The following SCN8A variants were observed in gnomAD, a reference collection of about 807,000 sequenced individuals.
SCN8A encodes the protein sodium voltage-gated channel alpha subunit 8.
SCN8A carries 30 observed loss-of-function variants against 184.1 expected under a neutral mutation model. That is an observed-to-expected ratio of 0.16 (90% CI 0.12 to 0.22). SCN8A has a LOEUF of 0.22. Among genes scored for constraint, SCN8A ranks in the 10% least tolerant of loss-of-function variants. The probability of loss-of-function intolerance (pLI) is 1.00; values close to 1 mark genes in which losing one functional copy is unlikely to be tolerated. For missense variants in SCN8A, 1,057 were observed against 2,498.9 expected (o/e 0.42, Z 12.30); for synonymous variants, 852 against 907.0 (o/e 0.94, Z 1.09).
chr12:51,781,790 A>G (rs528467875), intron 21 of SCN8A, among the ~76,000 whole-genome samples: 21 of 152,354 alleles, frequency 1.4e-4, no homozygotes, highest in Non-Finnish European at 2.5e-4. Flanking sequence ...ACTCGCTTCA[A>G]TTCAGATGTT....
chr12:51,780,163 G>T (rs1439896251), intron 20 of SCN8A: 1 of 452,576 alleles, frequency 2.2e-6, no homozygotes, highest in Non-Finnish European at 4.4e-6. Context: ...GGGGCAGCTT[G>T]TGTGGAGTAT....
At chr12:51,770,498 C>T (rs755488991) in intron 18 of SCN8A, 31 bp from the exon 19 acceptor site, 32 of 1,539,500 alleles carry the variant, frequency 2.1e-5, no homozygotes, top group East Asian at 4.8e-5. Flanking sequence ...CACGTTTCCA[C>T]GGTCTGACCC....
At chr12:51,754,223 C>G (rs1274469842) in intron 14 of SCN8A, among the ~76,000 whole-genome samples, 1 of 152,004 alleles carries the variant, frequency 6.6e-6, no homozygotes, top group Non-Finnish European at 1.5e-5. Flanking sequence ...TCTTTTCCTG[C>G]CTTTTTTGCA....
At chr12:51,649,261 A>G (rs1438575668) in intron 1 of SCN8A, among the ~76,000 whole-genome samples, 2 of 152,162 alleles carry the variant, frequency 1.3e-5, no homozygotes, top group African/African-American at 2.4e-5. Context: ...ACAGGCTGGC[A>G]TCGTGTGTCT....
chr12:51,749,586 C>A (rs906568536), intron 13 of SCN8A, among the ~76,000 whole-genome samples: 1 of 152,084 alleles, frequency 6.6e-6, no homozygotes, highest in Admixed American at 6.5e-5. Context: ...GAGGAAGAAG[C>A]CACAGCAGAT....
intron 23 of SCN8A, among the ~76,000 whole-genome samples, chr12:51,788,976 G>T (rs766054038): frequency 6.6e-6 from 1 of 152,044 alleles, no homozygotes; most frequent in Non-Finnish European, 1.5e-5. Flanking sequence ...GATTTTTTAC[G>T]TGGCCCCAGT....
rs1019055818 is a variant in SCN8A, at chr12:51,808,974, C to T, written c.*1545C>T. The T allele has an allele frequency of 6.6e-6, 1 of 152,110 alleles. No individual in the cohort carries two copies. The allele number at this position is 152,110 out of a possible 1,614,324, so 9.4% of individuals were successfully genotyped here. A position where few individuals can be genotyped will look rare whatever the true frequency, so the allele number is the denominator to read the frequency against. ...GTGAGACCTGAGGTAGAGATGGAGCCGCCTCTGAACCAAGCCCACTTGGTT... is the reference window on the plus strand; with the variant it reads ...GTGAGACCTGAGGTAGAGATGGAGCTGCCTCTGAACCAAGCCCACTTGGTT... On this transcript the variant is annotated 3_prime_UTR_variant, in exon 27 of 27. Transcript: ENST00000627620.
At chr12:51,677,288 A>C (rs574201752) in intron 2 of SCN8A, among the ~76,000 whole-genome samples, 1 of 151,816 alleles carries the variant, frequency 6.6e-6, no homozygotes, top group African/African-American at 2.4e-5. Context: ...GAGTTTTGCC[A>C]TGTTGCCCAG....
chr12:51,607,732 T>C (rs188216939), intron 1 of SCN8A, among the ~76,000 whole-genome samples: 134 of 152,362 alleles, frequency 8.8e-4, no homozygotes, highest in Middle Eastern at 3.4e-3. Flanking sequence ...ATCACATTTA[T>C]TGACTTCCAT....
At chr12:51,615,901 A>T (rs530071839) in intron 1 of SCN8A, among the ~76,000 whole-genome samples, 22 of 149,166 alleles carry the variant, frequency 1.5e-4, no homozygotes, top group Admixed American at 7.3e-4. Flanking sequence ...TAAAGAAAAA[A>T]TTTTTTTTTT....
chr12:51,783,183 C>G (rs1042513909), intron 21 of SCN8A, among the ~76,000 whole-genome samples: 3 of 152,140 alleles, frequency 2.0e-5, no homozygotes, highest in African/African-American at 7.2e-5. Context: ...GGTTTCCTAG[C>G]CCTTCTGTGG....
intron 11 of SCN8A, chr12:51,712,918 A>T: frequency 6.3e-7 from 1 of 1,588,288 alleles, no homozygotes; most frequent in Non-Finnish European, 8.6e-7. Context: ...ACCACCTCCA[A>T]AGCTTCCTCC....
intron 11 of SCN8A, among the ~76,000 whole-genome samples, chr12:51,712,138 A>G (rs1941888281): frequency 6.6e-6 from 1 of 152,226 alleles, no homozygotes; most frequent in South Asian, 2.1e-4. Flanking sequence ...TTACAGGGCA[A>G]TATACCTGAT....
chr12:51,662,979 G>A lies in SCN8A; in HGVS notation c.162G>A (p.Lys54=), dbSNP rs779576167. Residue 54 remains lysine (K), a synonymous_variant, in exon 2 of 27, where the codon AAG becomes AAA. Coordinates refer to ENST00000627620, the MANE Select transcript of SCN8A (RefSeq NM_001330260.2). ...AGGACGATGAGGACAGCAAGCCCAA[G>A]CCAAACAGCGACCTGGAAGCAGGGA... ...HREDDEDSKP[K]PNSDLEAGKS... 1 of 1,614,034 alleles carries A rather than the reference G, an allele frequency of 6.2e-7. No homozygotes were observed. Among genetic ancestry groups the A allele is most frequent in the Admixed American group, 1.7e-5 (1 of 60,026 alleles).
chr12:51,720,175 A>G (rs1348082156), intron 11 of SCN8A, among the ~76,000 whole-genome samples: 3 of 150,766 alleles, frequency 2.0e-5, no homozygotes, highest in Non-Finnish European at 4.4e-5. Context: ...GCCGGATATT[A>G]TATAACTTAC....
At chr12:51,788,630 C>A (rs1938156950) in intron 22 of SCN8A, 65 bp from the exon 23 acceptor site, 1 of 1,317,490 alleles carries the variant, frequency 7.6e-7, no homozygotes, top group Non-Finnish European at 1.0e-6. Flanking sequence ...GCCTTTGGGA[C>A]CCCTGCCTAG....
At chr12:51,768,613 C>T (rs1008705474) in intron 16 of SCN8A, among the ~76,000 whole-genome samples, 1 of 152,032 alleles carries the variant, frequency 6.6e-6, no homozygotes, top group South Asian at 2.1e-4. Flanking sequence ...AATATATTTT[C>T]GGGTACATAT....
chr12:51,761,588 C>T (rs1323978040), intron 14 of SCN8A, among the ~76,000 whole-genome samples: 2 of 151,886 alleles, frequency 1.3e-5, no homozygotes, highest in African/African-American at 2.4e-5. Context: ...CTCCCGGGCT[C>T]AAGTGATTCT....
chr12:51,684,307 A>G lies in SCN8A; in HGVS notation c.395+15A>G. 1 of 1,223,632 alleles carries G rather than the reference A, an allele frequency of 8.2e-7. No individual in the cohort carries two copies. The highest frequency in any genetic ancestry group is 1.2e-6 in the Non-Finnish European group (1 of 823,692). The allele number at this position is 1,223,632 out of a possible 1,614,324, so 75.8% of individuals were successfully genotyped here. On this transcript the variant is annotated intron_variant, in intron 3 of 26. Transcript: ENST00000627620. ...TTGATACATTCATATCCTTTTCGGC[A>G]AATGTGGAGTGAGTGCGGCAATTGC...
Sources: allele counts gnomAD v4.1 joint callset (sites outside exome capture counted in the v4.1 genomes callset), GRCh38; gene constraint gnomAD v4.1.1; transcripts MANE v1.5; gene names NCBI Gene and HGNC (gene_info 2026-07-23, HGNC 2026-07-21).